Variants in CEP112 observed in about 807,000 individuals in gnomAD.
CEP112 encodes the protein centrosomal protein 112.
A neutral mutation model predicts 153.0 loss-of-function variants in CEP112; 127 were observed. That is an observed-to-expected ratio of 0.83 (90% CI 0.72 to 0.96). The LOEUF is 0.96. CEP112 is among the 40% of genes least tolerant of loss of function. CEP112 has a pLI of 0.00. For synonymous variants in CEP112, 358 were observed against 374.4 expected, an observed-to-expected ratio of 0.96 and a Z score of 0.51; for missense variants, 1,089 against 1,101.2, an observed-to-expected ratio of 0.99 and a Z score of 0.16.
At chr17:65,905,938 C>T (rs2060060638) in intron 19 of CEP112, among the ~76,000 whole-genome samples, 2 of 151,374 alleles carry the variant, frequency 1.3e-5, no homozygotes, top group African/African-American at 4.9e-5. Context: ...GGGCCAGACT[C>T]CGTCTCAAAA....
chr17:65,998,699 G>T (rs924372636), intron 17 of CEP112, among the ~76,000 whole-genome samples: 3 of 151,890 alleles, frequency 2.0e-5, no homozygotes, highest in Non-Finnish European at 1.5e-5. Context: ...ATATATAACA[G>T]ACACTATTCT....
intron 8 of CEP112, among the ~76,000 whole-genome samples, chr17:66,085,813 C>A (rs2067902526): frequency 2.0e-5 from 3 of 151,946 alleles, no homozygotes; most frequent in Admixed American, 2.0e-4. Context: ...CCCGTCTCTA[C>A]TAAAGATACA....
intron 21 of CEP112, among the ~76,000 whole-genome samples, chr17:65,795,639 T>C (rs1489083614): frequency 6.6e-6 from 1 of 151,814 alleles, no homozygotes; most frequent in Non-Finnish European, 1.5e-5. Context: ...TGGCAAAACC[T>C]CTTCCCTACC....
chr17:65,753,370 C>T lies in CEP112; in HGVS notation c.2395-2646G>A, dbSNP rs146062268. ...CGTACAAGCCCTTTGCCTCTTCTAT[C>T]GCCTCAGTCCATACCTTTGAAGTTT... is the stretch of plus-strand genomic sequence containing the variant. On this transcript the variant is annotated intron_variant, in intron 21 of 26. Coordinates refer to ENST00000535342, the MANE Select transcript of CEP112 (RefSeq NM_001199165.4). Among the ~76,000 whole-genome samples the T allele has an allele frequency of 6.4e-3, 976 of 152,274 alleles. 12 individuals are homozygous for T. The highest frequency in any genetic ancestry group is 0.022 in the African/African-American group (919 of 41,546).
intron 21 of CEP112, among the ~76,000 whole-genome samples, chr17:65,809,458 A>G (rs528172450): frequency 5.3e-5 from 8 of 152,204 alleles, no homozygotes; most frequent in Non-Finnish European, 1.0e-4. Context: ...GAGTTACTGC[A>G]ACAGTCCAGT....
intron 18 of CEP112, among the ~76,000 whole-genome samples, chr17:65,956,156 A>G (rs2061994024): frequency 6.6e-6 from 1 of 152,150 alleles, no homozygotes; most frequent in African/African-American, 2.4e-5. Flanking sequence ...ACTGGTGGGA[A>G]TGTAAAGTAG....
At chr17:65,750,427 G>C (rs1411275802) in intron 22 of CEP112, among the ~76,000 whole-genome samples, 2 of 152,074 alleles carry the variant, frequency 1.3e-5, no homozygotes. Context: ...GTATGTGTGT[G>C]TGTGTGCATG....
chr17:65,839,018 T>C (rs1347586144), intron 21 of CEP112, among the ~76,000 whole-genome samples: 2 of 152,100 alleles, frequency 1.3e-5, no homozygotes, highest in Non-Finnish European at 2.9e-5. Context: ...AATAAAATCT[T>C]TCATCAAAGA....
At chr17:66,092,356 A>ACACACACAC (rs1555794869) in intron 8 of CEP112, among the ~76,000 whole-genome samples, 4 of 135,142 alleles carry the variant, frequency 3.0e-5, no homozygotes, top group African/African-American at 8.6e-5. Context: ...CATTAATTTA[A>ACACACACAC]ACACACACAC....
rs193199476 is a variant in CEP112, at chr17:65,967,775, G to C, written c.1737-6177C>G. 2.3e-4 allele frequency among the ~76,000 whole-genome samples: 35 copies of C among 152,190 alleles called. No individual in the cohort carries two copies. In the East Asian group the frequency reaches 6.8e-3, roughly 29 times the overall value. Reference sequence around the variant, plus strand: ...ATAATTTTATGCTAAACTAACTTCTGCCTGTAATATGGGTCCATAAATAAA... The same window carrying C: ...ATAATTTTATGCTAAACTAACTTCTCCCTGTAATATGGGTCCATAAATAAA... On this transcript the variant is annotated intron_variant, in intron 17 of 26. Transcript: ENST00000535342.
At chr17:65,841,824 C>T (rs1201101766) in intron 21 of CEP112, among the ~76,000 whole-genome samples, 1 of 151,714 alleles carries the variant, frequency 6.6e-6, no homozygotes, top group Non-Finnish European at 1.5e-5. Context: ...ATTATCAGCA[C>T]TAATCATAAA....
chr17:66,115,631 A>G (rs1459781350), intron 6 of CEP112, among the ~76,000 whole-genome samples: 1 of 152,196 alleles, frequency 6.6e-6, no homozygotes. Context: ...AGACAATGCA[A>G]TGCTGGACCC....
intron 17 of CEP112, among the ~76,000 whole-genome samples, chr17:65,964,004 G>A (rs1165290753): frequency 6.6e-6 from 1 of 152,194 alleles, no homozygotes; most frequent in African/African-American, 2.4e-5. Flanking sequence ...GCCCCAAGGT[G>A]TGTGATGCCC....
chr17:65,755,277 T>G (rs182387817), intron 21 of CEP112, among the ~76,000 whole-genome samples: 1 of 152,220 alleles, frequency 6.6e-6, no homozygotes, highest in East Asian at 1.9e-4. Flanking sequence ...TATCTTCACA[T>G]GCCCAGAGCA....
At chr17:65,953,334 G>T (rs1054506799) in intron 18 of CEP112, among the ~76,000 whole-genome samples, 3 of 152,186 alleles carry the variant, frequency 2.0e-5, no homozygotes, top group African/African-American at 7.2e-5. Flanking sequence ...GCAGACAGGA[G>T]GCAGGACTAG....
intron 4 of CEP112, among the ~76,000 whole-genome samples, chr17:66,150,196 G>A (rs78606665): frequency 0.076 from 10,571 of 138,646 alleles, 415 homozygotes; most frequent in African/African-American, 0.1. Flanking sequence ...CACCGCGCCC[G>A]GCCTTTTTTT....
chr17:66,085,533 A>G (rs998279574), intron 8 of CEP112, among the ~76,000 whole-genome samples: 2 of 152,238 alleles, frequency 1.3e-5, no homozygotes, highest in African/African-American at 4.8e-5. Flanking sequence ...TTTGTTATAG[A>G]AAAATACTCT....
In CEP112 at chr17:66,061,923, A is replaced by G. The variant is rs150391625; in HGVS notation, c.1074+1040T>C. Among the ~76,000 whole-genome samples, 4 of 152,292 alleles carry G rather than the reference A, an allele frequency of 2.6e-5. No individual in the cohort carries two copies. The East Asian group carries it at 7.7e-4, about 29-fold the overall frequency. On this transcript the variant is annotated intron_variant, in intron 11 of 26. Coordinates refer to ENST00000535342, the MANE Select transcript of CEP112 (RefSeq NM_001199165.4). ...ATAATCCCTATGTGTCAAAGGAGAG[A>G]CCAGGTGGAAGTAACTGCATCATGG...
At chr17:65,765,895 G>A (rs2052934580) in intron 21 of CEP112, among the ~76,000 whole-genome samples, 1 of 152,048 alleles carries the variant, frequency 6.6e-6, no homozygotes, top group African/African-American at 2.4e-5. Flanking sequence ...TTTGGAAGTG[G>A]TGACTGTTTC....
Sources: allele counts gnomAD v4.1 joint callset (sites outside exome capture counted in the v4.1 genomes callset), GRCh38; gene constraint gnomAD v4.1.1; transcripts MANE v1.5; gene names NCBI Gene and HGNC (gene_info 2026-07-23, HGNC 2026-07-21).